PRKDC: variants seen among roughly 807,000 people sequenced by gnomAD.
The protein encoded by PRKDC is DNA-dependent protein kinase catalytic subunit.
Under a neutral mutation model 486.9 loss-of-function variants are expected in PRKDC, and 82 were observed. That is an observed-to-expected ratio of 0.17 (90% CI 0.14 to 0.20). The LOEUF (loss-of-function observed/expected upper bound fraction) is 0.20, where lower values mean the gene tolerates loss of function less well. Among genes scored for constraint, PRKDC ranks in the 10% least tolerant of loss-of-function variants. The pLI is 1.00. For missense variants in PRKDC, 4,504 were observed against 5,038.2 expected (o/e 0.89, Z 3.21); for synonymous variants, 1,895 against 1,837.0 (o/e 1.03, Z -0.81).
intron 41 of PRKDC, 87 bp from the exon 42 acceptor site, chr8:47,863,664 C>G (rs1472649036): frequency 1.8e-6 from 2 of 1,122,490 alleles, no homozygotes; most frequent in African/African-American, 3.2e-5. Context: ...TACTTAATAT[C>G]CTTTAGACAG....
Position 47,830,640 on chromosome 8 carries a change from T to C in PRKDC, c.8362A>G (p.Ser2788Gly), listed in dbSNP as rs2087844553. The change falls in exon 61 of 86, where the codon AGC becomes GGC. Residue 2788 changes from serine (S) to glycine (G), a missense_variant. Physicochemically the swap from Ser to Gly is moderately conservative, Grantham distance 56. Coordinates refer to ENST00000314191, the MANE Select transcript of PRKDC (RefSeq NM_006904.7). ...GCCTGTAACGGGGTGATGAGGCTGC[T>C]GTGCTTGATCTGAATGTCAGGAAGG... ...GDLPDIQIKHSSLITPLQAVA... is the reference protein window; with the variant it reads ...GDLPDIQIKHGSLITPLQAVA... 13 of 1,614,008 alleles carry C rather than the reference T, an allele frequency of 8.1e-6. No homozygotes were observed. In the East Asian group the frequency reaches 2.7e-4, roughly 33 times the overall value.
In PRKDC at chr8:47,799,134, G is replaced by C. The variant is rs2087043638; in HGVS notation, c.10297+76C>G. On this transcript the variant is annotated intron_variant, in intron 72 of 85. Coordinates refer to ENST00000314191, the MANE Select transcript of PRKDC (RefSeq NM_006904.7). ...GTAATTTGAAAACAAACAAAGAGGAGACCAAAGGTATGTACAAAATTCATA... is the reference window on the plus strand; with the variant it reads ...GTAATTTGAAAACAAACAAAGAGGACACCAAAGGTATGTACAAAATTCATA... 3 of 1,534,276 alleles carry C rather than the reference G, an allele frequency of 2.0e-6. No individual in the cohort carries two copies. In the African/African-American group the frequency reaches 4.1e-5, roughly 21 times the overall value.
At chr8:47,796,544 A>G (rs1189281082) in intron 73 of PRKDC, among the ~76,000 whole-genome samples, 1 of 151,928 alleles carries the variant, frequency 6.6e-6, no homozygotes, top group Non-Finnish European at 1.5e-5. Context: ...AGATTGCCGA[A>G]GTCAGCTTTT....
intron 36 of PRKDC, among the ~76,000 whole-genome samples, chr8:47,883,486 G>A (rs1185078273): frequency 1.3e-5 from 2 of 152,164 alleles, no homozygotes; most frequent in East Asian, 3.9e-4. Context: ...CTCTGGAGCT[G>A]TGTCCTCAGC....
rs370366061 is a variant in PRKDC, at chr8:47,778,993, A to G, written c.11579+11T>C. On this transcript the variant is annotated intron_variant, in intron 81 of 85. Transcript: ENST00000314191. ...CTAACTAATACAAAGAAAAATCAAA[A>G]CCAAACTTACTTATACATTAGCATG... 2.8e-4 allele frequency: 430 copies of G among 1,563,448 alleles called. No individual in the cohort carries two copies. Among genetic ancestry groups the G allele is most frequent in the Non-Finnish European group, 3.5e-4 (404 of 1,155,478 alleles).
chr8:47,840,848 G>A (rs1208453629), intron 54 of PRKDC, among the ~76,000 whole-genome samples: 1 of 152,220 alleles, frequency 6.6e-6, no homozygotes, highest in Non-Finnish European at 1.5e-5. Context: ...TTATTGCTGT[G>A]TAAAAATATT....
At chr8:47,884,993 T>G (rs1487452569) in intron 36 of PRKDC, among the ~76,000 whole-genome samples, 1 of 152,222 alleles carries the variant, frequency 6.6e-6, no homozygotes, top group Admixed American at 6.5e-5. Context: ...CAAAGCCAGC[T>G]CTGGGCCCCA....
intron 43 of PRKDC, 86 bp downstream of exon 43, chr8:47,862,287 G>A (rs1306231800): frequency 7.0e-7 from 1 of 1,425,762 alleles, no homozygotes; most frequent in South Asian, 1.3e-5. Flanking sequence ...ATATAAGATG[G>A]TATAAATTAT....
rs777258009 is a variant in PRKDC at position 47,887,689 on chromosome 8, T to C, written c.4430A>G (p.His1477Arg). ...ILPSQSTDLH[H>R]SVGTELLSLV... ...GGAAAGAAGTTCTGTGCCAACAGAA[T>C]GATGCAAATCTGTGGACTAAAAGGA... Residue 1477 changes from histidine (H) to arginine (R), a missense_variant, in exon 35 of 86, where the codon CAT becomes CGT. Physicochemically the swap from His to Arg is conservative, Grantham distance 29 (BLOSUM62 0). Around this residue, in one of 6 missense-constraint regions of PRKDC, gnomAD observed 1,969 missense variants for 2,068.9 expected, o/e 0.95. Transcript: ENST00000314191. 5.8e-5 allele frequency: 93 copies of C among 1,609,576 alleles called. No individual in the cohort carries two copies. The highest frequency in any genetic ancestry group is 7.5e-5 in the Non-Finnish European group (88 of 1,178,086).
At chr8:47,804,800 T>C (rs1464785204) in intron 69 of PRKDC, among the ~76,000 whole-genome samples, 1 of 152,164 alleles carries the variant, frequency 6.6e-6, no homozygotes, top group African/African-American at 2.4e-5. Flanking sequence ...TTTGCTCTTG[T>C]CACCAGGCTG....
chr8:47,899,355 A>T (rs1242005445), intron 28 of PRKDC, among the ~76,000 whole-genome samples: 1 of 152,220 alleles, frequency 6.6e-6, no homozygotes, highest in Non-Finnish European at 1.5e-5. Flanking sequence ...TTTAAAAAAT[A>T]AACAAAGTTG....
intron 50 of PRKDC, among the ~76,000 whole-genome samples, 199 bp from the exon 51 acceptor site, chr8:47,854,413 G>C (rs1209920676): frequency 6.6e-6 from 1 of 152,108 alleles, no homozygotes; most frequent in Non-Finnish European, 1.5e-5. Context: ...ATCTCGGCTT[G>C]CTGCAAGCTC....
rs967068586 is a variant in PRKDC at position 47,918,370 on chromosome 8, A to G, written c.2433T>C (p.Asn811=). The G allele has an allele frequency of 3.0e-5, 47 of 1,579,890 alleles. No individual in the cohort carries two copies. The African/African-American group carries it at 6.1e-4, about 20-fold the overall frequency. ...GAGAAAGAGCTGACACTTCCCAGTT[A>G]TTCTTGGTCTCATCTATCAATAGTA... The part of the protein sequence containing the change: ...KTSALSDETK[N]NWEVSALSRA... Residue 811 remains asparagine, a synonymous_variant, in exon 22 of 86, where the codon AAT becomes AAC. Coordinates refer to ENST00000314191, the MANE Select transcript of PRKDC (RefSeq NM_006904.7).
intron 40 of PRKDC, among the ~76,000 whole-genome samples, chr8:47,876,487 C>G (rs150058905): frequency 6.6e-6 from 1 of 151,992 alleles, no homozygotes; most frequent in Non-Finnish European, 1.5e-5. Context: ...CATGGTGAGA[C>G]CCCGTCTCTA....
intron 5 of PRKDC, 38 bp downstream of exon 5, chr8:47,954,300 G>A (rs2090669572): frequency 2.3e-6 from 2 of 879,014 alleles, no homozygotes; most frequent in African/African-American, 1.7e-5. Flanking sequence ...ATATTAATTT[G>A]CTAAACTATT....
Position 47,939,795 on chromosome 8 carries a change from A to G in PRKDC, c.967-98T>C. On this transcript the variant is annotated intron_variant, in intron 10 of 85. Transcript: ENST00000314191. ...AGAACTGTTTAGATGCTACTAATGTACTGTTATAGTTACACGCAATTGCTT... is the reference window on the plus strand; with the variant it reads ...AGAACTGTTTAGATGCTACTAATGTGCTGTTATAGTTACACGCAATTGCTT... 4 of 1,069,888 alleles carry G rather than the reference A, an allele frequency of 3.7e-6. No homozygotes were observed. The South Asian group carries it at 7.3e-5, about 20-fold the overall frequency. 66.3% of individuals were successfully genotyped at this position (1,069,888 alleles called of 1,614,324 possible). A position where few individuals can be genotyped will look rare whatever the true frequency, so the allele number is the denominator to read the frequency against.
At chr8:47,813,994 A>C (rs1380701610) in intron 68 of PRKDC, among the ~76,000 whole-genome samples, 1 of 152,212 alleles carries the variant, frequency 6.6e-6, no homozygotes, top group Non-Finnish European at 1.5e-5. Flanking sequence ...CCAATATCCC[A>C]CTTGGATGTA....
intron 80 of PRKDC, among the ~76,000 whole-genome samples, chr8:47,780,335 A>G (rs987711854): frequency 1.3e-4 from 20 of 152,154 alleles, no homozygotes; most frequent in African/African-American, 3.1e-4. Flanking sequence ...CTATGAGAAA[A>G]TATTTTCTTA....
chr8:47,954,630 A>G (rs1236573597), intron 4 of PRKDC, among the ~76,000 whole-genome samples, 184 bp from the exon 5 acceptor site: 2 of 152,182 alleles, frequency 1.3e-5, no homozygotes, highest in African/African-American at 4.8e-5. Context: ...CAGGATTCAC[A>G]TCCACCCAGC....
Sources: gnomAD v4.1 joint callset for allele counts (sites outside exome capture counted in the v4.1 genomes callset) on GRCh38, gnomAD v4.1.1 for gene constraint, gnomAD v4.1.1 regional missense constraint, MANE v1.5 for transcripts, NCBI Gene and HGNC (gene_info 2026-07-23, HGNC 2026-07-21) for gene names.